CYP3A7: variants seen among roughly 807,000 people sequenced by gnomAD.
CYP3A7 encodes cytochrome P450 family 3 subfamily A member 7.
Under a neutral mutation model 55.2 loss-of-function variants are expected in CYP3A7, and 45 were observed. The ratio of observed to expected loss-of-function variants is 0.82; its 90% CI spans 0.64 to 1.05. The LOEUF (loss-of-function observed/expected upper bound fraction) is 1.05. CYP3A7 is among the 50% of genes least tolerant of loss of function. CYP3A7 has a pLI of 0.00. For missense variants in CYP3A7, 548 were observed against 605.3 expected (o/e 0.91, Z 0.99); for synonymous variants, 180 against 207.4 (o/e 0.87, Z 1.13).
chr7:99,725,796 AG>A (rs1399783342), intron 2 of CYP3A7, among the ~76,000 whole-genome samples: 5 of 152,144 alleles, frequency 3.3e-5, no homozygotes, highest in Non-Finnish European at 1.5e-5. Flanking sequence ...GCCAAACTTC[AG>A]GTAACTCTTA....
In CYP3A7 at chr7:99,731,103, G is replaced by T; in HGVS notation, c.121C>A (p.Pro41Thr). ...TTTCCCAAAAAAGGCAGAGGTGTGG[G>T]CCCTGGAATTCCAAGCTTCTTAAAA... ...GLFKKLGIPGPTPLPFLGNAL... is the reference protein window; with the variant it reads ...GLFKKLGIPGTTPLPFLGNAL... The change falls in exon 2 of 13, where the codon CCC (proline) becomes ACC (threonine). Residue 41 changes from proline to threonine, a missense_variant. Pro to Thr is a conservative substitution (Grantham distance 38). Transcript: ENST00000336374. The T allele has an allele frequency of 6.2e-7, 1 of 1,613,838 alleles. No individual in the cohort carries two copies. The highest frequency in any genetic ancestry group is 8.5e-7 in the Non-Finnish European group (1 of 1,179,822).
chr7:99,716,022 C>G, intron 6 of CYP3A7, 116 bp from the exon 7 acceptor site: 5 of 1,591,898 alleles, frequency 3.1e-6, no homozygotes, highest in Non-Finnish European at 4.3e-6. Context: ...CACAGACTTT[C>G]AGAACTATTT....
chr7:99,705,841 C>T (rs1356729119), intron 12 of CYP3A7, among the ~76,000 whole-genome samples: 1 of 152,074 alleles, frequency 6.6e-6, no homozygotes. Context: ...TGAGGTTTGA[C>T]CTGAGACAAA....
intron 12 of CYP3A7, among the ~76,000 whole-genome samples, chr7:99,707,249 A>G (rs987104521): frequency 6.6e-6 from 1 of 152,248 alleles, no homozygotes; most frequent in Non-Finnish European, 1.5e-5. Context: ...CGTATCCAAT[A>G]GAACTACCTT....
intron 3 of CYP3A7, among the ~76,000 whole-genome samples, chr7:99,721,124 C>T (rs976605058): frequency 3.9e-5 from 6 of 152,186 alleles, no homozygotes; most frequent in Non-Finnish European, 5.9e-5. Flanking sequence ...CTGAGGCCAC[C>T]TTATAAAATC....
intron 1 of CYP3A7, among the ~76,000 whole-genome samples, chr7:99,732,204 C>A (rs941453206): frequency 6.6e-6 from 1 of 152,124 alleles, no homozygotes; most frequent in African/African-American, 2.4e-5. Context: ...GTGTGTGGCA[C>A]CTCCTCCCCA....
intron 2 of CYP3A7, among the ~76,000 whole-genome samples, chr7:99,726,639 T>C (rs1814424258): frequency 6.6e-6 from 1 of 152,358 alleles, no homozygotes; most frequent in African/African-American, 2.4e-5. Context: ...ACAAGGCTTC[T>C]GGGACAGCCC....
rs374255667 is a variant in CYP3A7 at position 99,710,932 on chromosome 7, A to G, written c.866-40T>C. 1.4e-5 allele frequency: 23 copies of G among 1,613,008 alleles called. No homozygotes were observed. The African/African-American group carries it at 1.7e-4, about 12-fold the overall frequency. On this transcript the variant is annotated intron_variant, in intron 9 of 12. Transcript: ENST00000336374. The stretch of plus-strand genomic sequence containing the variant: ...AAGACATTTTAGGTAAATCAGGTCA[A>G]TGTAGGGCATCACAGTTTAGATGAA...
At chr7:99,714,716 C>T in intron 7 of CYP3A7, 34 bp from the exon 8 acceptor site, 1 of 1,602,458 alleles carries the variant, frequency 6.2e-7, no homozygotes, top group East Asian at 2.2e-5. Flanking sequence ...AAAACGAAAC[C>T]ATTGTGAACA....
chr7:99,720,530 C>CT, intron 3 of CYP3A7, 118 bp from the exon 4 acceptor site: 1 of 1,126,510 alleles, frequency 8.9e-7, no homozygotes, highest in Non-Finnish European at 1.3e-6. Context: ...GTACAATACA[C>CT]AGTAATCTTA....
chr7:99,721,228 A>G (rs1424329673), intron 3 of CYP3A7, among the ~76,000 whole-genome samples: 3 of 152,226 alleles, frequency 2.0e-5, no homozygotes, highest in Non-Finnish European at 4.4e-5. Context: ...ATGTATTTAT[A>G]TATCCTTCTA....
intron 2 of CYP3A7, among the ~76,000 whole-genome samples, chr7:99,725,274 T>A (rs1486859677): frequency 6.6e-6 from 1 of 152,172 alleles, no homozygotes; most frequent in Non-Finnish European, 1.5e-5. Context: ...ATGCATTTTA[T>A]GACCCAATCC....
chr7:99,716,204 A>G (rs539666029), intron 6 of CYP3A7, among the ~76,000 whole-genome samples: 2 of 152,318 alleles, frequency 1.3e-5, no homozygotes, highest in South Asian at 2.1e-4. Context: ...CTGCAGTAGC[A>G]TGTGTTAATT....
At chr7:99,705,932 G>T (rs548031544) in intron 12 of CYP3A7, among the ~76,000 whole-genome samples, 1 of 152,238 alleles carries the variant, frequency 6.6e-6, no homozygotes, top group East Asian at 1.9e-4. Flanking sequence ...AGATTATTAG[G>T]TATAACGGTA....
intron 2 of CYP3A7, among the ~76,000 whole-genome samples, chr7:99,730,325 C>T (rs1047503448): frequency 2.0e-5 from 3 of 152,194 alleles, no homozygotes; most frequent in Admixed American, 1.3e-4. Flanking sequence ...TCATATTGTG[C>T]TTAAATATCT....
chr7:99,711,528 G>A (rs1813748720), intron 9 of CYP3A7, among the ~76,000 whole-genome samples: 1 of 152,170 alleles, frequency 6.6e-6, no homozygotes, highest in African/African-American at 2.4e-5. Context: ...CATCACTTTG[G>A]GAGGCCAAGG....
chr7:99,710,704 C>T, intron 10 of CYP3A7, 28 bp downstream of exon 10: 1 of 1,613,678 alleles, frequency 6.2e-7, no homozygotes, highest in Middle Eastern at 1.7e-4. Flanking sequence ...TCACCTCCTC[C>T]CTCCTTCTCC....
chr7:99,732,893 GT>G (rs1234269354), intron 1 of CYP3A7, among the ~76,000 whole-genome samples: 1 of 152,194 alleles, frequency 6.6e-6, no homozygotes, highest in Non-Finnish European at 1.5e-5. Flanking sequence ...ACCATAAAAT[GT>G]TCCAGATAGT....
chr7:99,730,469 T>A (rs745408125), intron 2 of CYP3A7: 1 of 153,748 alleles, frequency 6.5e-6, no homozygotes, highest in Non-Finnish European at 1.4e-5. Context: ...TGGCAACAGA[T>A]GTCATGGGGA....
Sources: gnomAD v4.1 joint callset for allele counts (sites outside exome capture counted in the v4.1 genomes callset) on GRCh38, gnomAD v4.1.1 for gene constraint, MANE v1.5 for transcripts, NCBI Gene and HGNC (gene_info 2026-07-23, HGNC 2026-07-21) for gene names.